CERS3: variants seen among roughly 807,000 people sequenced by gnomAD.
CERS3 encodes LAG1 homolog, ceramide synthase 3.
CERS3 carries 33 observed loss-of-function variants against 50.3 expected under a neutral mutation model. The ratio of observed to expected loss-of-function variants is 0.66; its 90% CI spans 0.50 to 0.88. The LOEUF is 0.88. CERS3 is among the 40% of genes least tolerant of loss of function. CERS3 has a pLI of 0.00. For missense variants in CERS3, 470 were observed against 460.3 expected, an observed-to-expected ratio of 1.02 and a Z score of -0.19; for synonymous variants, 176 against 155.2, an observed-to-expected ratio of 1.13 and a Z score of -0.99.
At chr15:100,540,787 G>A (rs77758520) in intron 1 of CERS3, among the ~76,000 whole-genome samples, 2,063 of 152,220 alleles carry the variant, frequency 0.014, 25 homozygotes, top group Admixed American at 0.028. Flanking sequence ...AACACTGTTG[G>A]GTTGACAAGA....
chr15:100,533,263 C>T (rs2036984557), upstream of CERS3, among the ~76,000 whole-genome samples: 1 of 152,306 alleles, frequency 6.6e-6, no homozygotes, highest in South Asian at 2.1e-4. Context: ...TTCTAACTTA[C>T]TGTATCTCTT....
upstream of CERS3, among the ~76,000 whole-genome samples, chr15:100,532,994 G>A (rs1187355374): frequency 1.3e-5 from 2 of 152,174 alleles, no homozygotes; most frequent in Admixed American, 6.5e-5. Flanking sequence ...ATTATAGGAT[G>A]AGAGGACCTG....
intron 9 of CERS3, among the ~76,000 whole-genome samples, chr15:100,469,720 TATA>T (rs1416249085): frequency 6.6e-6 from 1 of 152,222 alleles, no homozygotes; most frequent in Non-Finnish European, 1.5e-5. Context: ...TTTTGCATAA[TATA>T]ATGTTTTTTA....
chr15:100,421,457 T>C (rs1487341560), intron 11 of CERS3, among the ~76,000 whole-genome samples: 16 of 152,054 alleles, frequency 1.1e-4, no homozygotes, highest in Admixed American at 1.0e-3. Flanking sequence ...TGGAAGAACA[T>C]TCCATGCTCA....
chr15:100,434,900 G>A (rs1033154803), intron 11 of CERS3, among the ~76,000 whole-genome samples: 4 of 151,460 alleles, frequency 2.6e-5, no homozygotes, highest in South Asian at 2.1e-4. Flanking sequence ...TTTGGGAAAC[G>A]ACGTTTAAAA....
At chr15:100,459,934 G>A (rs1303042488) in intron 10 of CERS3, among the ~76,000 whole-genome samples, 2 of 151,668 alleles carry the variant, frequency 1.3e-5, no homozygotes, top group Admixed American at 6.6e-5. Flanking sequence ...AACTGCTTTT[G>A]TGGCATCTGT....
At chr15:100,540,828 AAC>A (rs776970309) in intron 1 of CERS3, among the ~76,000 whole-genome samples, 1 of 152,200 alleles carries the variant, frequency 6.6e-6, no homozygotes, top group Non-Finnish European at 1.5e-5. Flanking sequence ...AAGAGTGGAT[AAC>A]ACACTCTTAT....
At chr15:100,483,778 A>ATTTTTTTTTTTTT (rs1300648690) in intron 5 of CERS3, among the ~76,000 whole-genome samples, 1 of 59,138 alleles carries the variant, frequency 1.7e-5, no homozygotes, top group East Asian at 5.5e-4. Flanking sequence ...AATAATAATT[A>ATTTTTTTTTTTTT]TTATTATTAT....
At chr15:100,419,105 C>G (rs1382899907) in intron 11 of CERS3, among the ~76,000 whole-genome samples, 1 of 89,378 alleles carries the variant, frequency 1.1e-5, no homozygotes, top group African/African-American at 3.6e-5. Flanking sequence ...TGTAAATGGA[C>G]TAAATGCTCC....
intron 4 of CERS3, among the ~76,000 whole-genome samples, chr15:100,489,594 G>T (rs185342145): frequency 6.6e-6 from 1 of 152,042 alleles, no homozygotes; most frequent in Admixed American, 6.5e-5. Context: ...CCCAAACAAA[G>T]AAGGATAATA....
At chr15:100,468,512 G>A (rs1285100549) in intron 10 of CERS3, among the ~76,000 whole-genome samples, 1 of 152,190 alleles carries the variant, frequency 6.6e-6, no homozygotes, top group Non-Finnish European at 1.5e-5. Context: ...CAAGGGTGCT[G>A]TCTATACACT....
chr15:100,469,028 C>G (rs182886872), intron 10 of CERS3, among the ~76,000 whole-genome samples: 1 of 152,140 alleles, frequency 6.6e-6, no homozygotes, highest in Admixed American at 6.5e-5. Context: ...ACAGAACATA[C>G]CTCTCTTTTA....
intron 10 of CERS3, among the ~76,000 whole-genome samples, chr15:100,462,244 A>G (rs1969094): frequency 0.79 from 120,349 of 152,126 alleles, 48,771 homozygotes; most frequent in Non-Finnish European, 0.89. Context: ...GGATTGCAAA[A>G]CTCAGCTTTT....
At position 100,490,950 on chromosome 15, in the gene CERS3, A is replaced by G. The variant is rs1405526918; in HGVS notation, c.174-19T>C. On this transcript the variant is annotated intron_variant, in intron 3 of 11. Transcript: ENST00000679737. ...AACAAATCTACAAAAATATGAAAAG[A>G]AAAAAAGTTCAAAATCTAAGAATAA... 6.9e-7 allele frequency: 1 copy of G among 1,441,228 alleles called. No homozygotes were observed. Among genetic ancestry groups the G allele is most frequent in the Non-Finnish European group, 9.6e-7 (1 of 1,038,898 alleles). 89.3% of individuals were successfully genotyped at this position (1,441,228 alleles called of 1,614,324 possible). A position where few individuals can be genotyped will look rare whatever the true frequency, so the allele number is the denominator to read the frequency against.
At chr15:100,420,231 A>G (rs1308758351) in intron 11 of CERS3, among the ~76,000 whole-genome samples, 1 of 145,536 alleles carries the variant, frequency 6.9e-6, no homozygotes, top group Non-Finnish European at 1.5e-5. Context: ...AGACGCAATA[A>G]AAAATGATAA....
At position 100,424,910 on chromosome 15, in the gene CERS3, CCAAGG is replaced by C. The variant is rs1277919309; in HGVS notation, c.1000-22050_1000-22046del. 7.9e-5 allele frequency among the ~76,000 whole-genome samples: 12 copies of C among 152,268 alleles called. No homozygotes were observed. In the East Asian group the frequency reaches 2.3e-3, roughly 29 times the overall value. ...GCCAAGACAATGGGGAAAAATGCCTCCAAGGCATTTTCCCAGCTGCTTTAGCTCCA... is the reference window on the plus strand; with the variant it reads ...GCCAAGACAATGGGGAAAAATGCCTCCATTTTCCCAGCTGCTTTAGCTCCA... On this transcript the variant is annotated intron_variant, in intron 11 of 11. Coordinates refer to ENST00000679737, the MANE Select transcript of CERS3 (RefSeq NM_001378789.1).
intron 11 of CERS3, among the ~76,000 whole-genome samples, chr15:100,418,716 G>A (rs1160549826): frequency 1.5e-5 from 2 of 135,186 alleles, no homozygotes; most frequent in African/African-American, 5.5e-5. Flanking sequence ...AAGCCCATCA[G>A]ACTAACAGCA....
At chr15:100,423,591 T>C (rs1318787726) in intron 11 of CERS3, among the ~76,000 whole-genome samples, 1 of 152,042 alleles carries the variant, frequency 6.6e-6, no homozygotes, top group African/African-American at 2.4e-5. Context: ...AGACACTAGG[T>C]CCTACTTGAG....
intron 1 of CERS3, among the ~76,000 whole-genome samples, chr15:100,537,648 T>A (rs542732753): frequency 1.0e-3 from 159 of 152,312 alleles, no homozygotes; most frequent in African/African-American, 3.7e-3. Context: ...GAAACTGCCC[T>A]CATGATTCAA....
Sources: allele counts gnomAD v4.1 joint callset (sites outside exome capture counted in the v4.1 genomes callset), GRCh38; gene constraint gnomAD v4.1.1; transcripts MANE v1.5; gene names NCBI Gene and HGNC (gene_info 2026-07-23, HGNC 2026-07-21).